HHAT: variants seen among roughly 807,000 people sequenced by gnomAD.
HHAT encodes the protein hedgehog acyltransferase.
A neutral mutation model predicts 70.8 loss-of-function variants in HHAT; 47 were observed. That is an observed-to-expected ratio of 0.66 (90% CI 0.53 to 0.85). The LOEUF (loss-of-function observed/expected upper bound fraction) is 0.85, where lower values mean the gene tolerates loss of function less well. Ranked by LOEUF, HHAT falls within the 40% of genes least tolerant of loss-of-function variation. The pLI is 0.00. For missense variants in HHAT, 609 were observed against 604.8 expected, an observed-to-expected ratio of 1.01 and a Z score of -0.07; for synonymous variants, 228 against 247.6, an observed-to-expected ratio of 0.92 and a Z score of 0.74.
rs2092995670 is a variant in HHAT, at chr1:210,424,399, CA to C, written c.856+6077del. ...ACTTTACTGGATTTGTTTATCAATT[CA>C]AATAGTTTTTTTGGTAGAGTCTTTA... On this transcript the variant is annotated intron_variant, in intron 7 of 11. Transcript: ENST00000261458. Among the ~76,000 whole-genome samples, 3 of 151,216 alleles carry C rather than the reference CA, an allele frequency of 2.0e-5. No homozygotes were observed. The South Asian group carries it at 6.3e-4, about 32-fold the overall frequency.
chr1:210,453,678 CAT>C (rs2093802008), intron 7 of HHAT, among the ~76,000 whole-genome samples: 2 of 152,224 alleles, frequency 1.3e-5, no homozygotes, highest in South Asian at 4.1e-4. Flanking sequence ...ACCAGGTTGA[CAT>C]ATGGAAATCT....
chr1:210,359,872 CAAA>C (rs138163269), intron 2 of HHAT, among the ~76,000 whole-genome samples: 4 of 148,150 alleles, frequency 2.7e-5, no homozygotes, highest in Admixed American at 2.7e-4. Context: ...TGGGAAAAAA[CAAA>C]AAAAAAACCC....
intron 3 of HHAT, among the ~76,000 whole-genome samples, chr1:210,366,025 G>C (rs2088924435): frequency 6.6e-6 from 1 of 151,976 alleles, no homozygotes; most frequent in African/African-American, 2.4e-5. Flanking sequence ...TGAACTCCTA[G>C]GCTCAAACGA....
chr1:210,343,477 AAG>A (rs1221215828), intron 1 of HHAT, among the ~76,000 whole-genome samples: 1 of 152,196 alleles, frequency 6.6e-6, no homozygotes, highest in African/African-American at 2.4e-5. Context: ...AGCTACAGGC[AAG>A]AGTTGAAAAG....
At chr1:210,664,080 C>T (rs1678379577) in intron 11 of HHAT, among the ~76,000 whole-genome samples, 1 of 152,196 alleles carries the variant, frequency 6.6e-6, no homozygotes, top group African/African-American at 2.4e-5. Context: ...TCCATCTCCC[C>T]CACGTTTGGA....
intron 8 of HHAT, among the ~76,000 whole-genome samples, chr1:210,490,374 A>T (rs2094533188): frequency 6.6e-6 from 1 of 152,232 alleles, no homozygotes; most frequent in Admixed American, 6.5e-5. Context: ...AATAATGACC[A>T]CACATGGATA....
At chr1:210,393,541 G>A (rs78604185) in intron 4 of HHAT, among the ~76,000 whole-genome samples, 2,299 of 151,974 alleles carry the variant, frequency 0.015, 71 homozygotes, top group African/African-American at 0.052. Flanking sequence ...CTCACCTGCC[G>A]TTCTGGTCTC....
At chr1:210,360,908 C>T (rs1335621113) in intron 2 of HHAT, among the ~76,000 whole-genome samples, 8 of 105,592 alleles carry the variant, frequency 7.6e-5, no homozygotes, top group South Asian at 2.8e-4. Context: ...AAGTGTGGTT[C>T]GTGTTCTATT....
intron 11 of HHAT, among the ~76,000 whole-genome samples, chr1:210,648,864 A>G (rs1473461411): frequency 6.6e-6 from 1 of 152,246 alleles, no homozygotes; most frequent in Non-Finnish European, 1.5e-5. Flanking sequence ...TTGTATTATG[A>G]GCATTTGAGT....
intron 9 of HHAT, among the ~76,000 whole-genome samples, chr1:210,563,846 A>C (rs180731953): frequency 1.4e-4 from 22 of 152,084 alleles, no homozygotes; most frequent in African/African-American, 5.3e-4. Context: ...TTTGGAAGAT[A>C]TTTCTTGAGC....
chr1:210,587,880 A>T lies in HHAT; in HGVS notation c.1044-18A>T. 6.2e-7 allele frequency: 1 copy of T among 1,607,676 alleles called. No individual in the cohort carries two copies. Among genetic ancestry groups the T allele is most frequent in the Non-Finnish European group, 8.5e-7 (1 of 1,175,352 alleles). On this transcript the variant is annotated intron_variant, in intron 9 of 11. Transcript: ENST00000261458. The stretch of plus-strand genomic sequence containing the variant: ...GGCAGCCCTCTGTATGTCTCCTAAC[A>T]GCCTCTTCTTTCTCTAGGTATGTGT...
chr1:210,498,062 T>A (rs746875858), intron 8 of HHAT, among the ~76,000 whole-genome samples: 3 of 152,156 alleles, frequency 2.0e-5, no homozygotes, highest in Non-Finnish European at 4.4e-5. Context: ...GCCATAATTT[T>A]TTATTTATGT....
At chr1:210,517,092 A>T (rs954291675) in intron 9 of HHAT, among the ~76,000 whole-genome samples, 1 of 152,214 alleles carries the variant, frequency 6.6e-6, no homozygotes, top group Non-Finnish European at 1.5e-5. Context: ...GAAGAAGCCT[A>T]CTGGCTGGAG....
chr1:210,439,743 A>C (rs2093462252), intron 7 of HHAT: 1 of 151,912 alleles, frequency 6.6e-6, no homozygotes, highest in Admixed American at 6.5e-5. Context: ...CTTCATTAAA[A>C]GGGTCTTCAG....
chr1:210,478,619 C>T (rs1349938674), intron 8 of HHAT, among the ~76,000 whole-genome samples: 1 of 152,116 alleles, frequency 6.6e-6, no homozygotes, highest in African/African-American at 2.4e-5. Flanking sequence ...GATTCTCTCC[C>T]ACTCTGTGAA....
intron 9 of HHAT, among the ~76,000 whole-genome samples, chr1:210,562,319 C>T (rs1482552764): frequency 1.4e-5 from 2 of 147,238 alleles, no homozygotes; most frequent in Non-Finnish European, 3.0e-5. Flanking sequence ...ACTTAAACAA[C>T]ACATTAAGGA....
In HHAT at chr1:210,333,050, GA is replaced by G. The variant is rs2085138588; in HGVS notation, c.-44+3947del. ...GTAAATAATGGGCGGGCCATGAGTGGACTAAAATAAGTGTCGGATTCTGACT... is the reference window on the plus strand; with the variant it reads ...GTAAATAATGGGCGGGCCATGAGTGGCTAAAATAAGTGTCGGATTCTGACT... On this transcript the variant is annotated intron_variant, in intron 1 of 11. Transcript: ENST00000261458. 2.6e-5 allele frequency among the ~76,000 whole-genome samples: 4 copies of G among 152,296 alleles called. No individual in the cohort carries two copies. The South Asian group carries it at 8.3e-4, about 32-fold the overall frequency.
intron 10 of HHAT, among the ~76,000 whole-genome samples, chr1:210,597,452 A>C (rs1354125101): frequency 6.6e-6 from 1 of 151,966 alleles, no homozygotes; most frequent in Non-Finnish European, 1.5e-5. Context: ...GGGTCCTAAG[A>C]TGCCATCCAG....
At chr1:210,669,972 G>T (rs1490237304) in intron 11 of HHAT, among the ~76,000 whole-genome samples, 1 of 152,206 alleles carries the variant, frequency 6.6e-6, no homozygotes, top group East Asian at 1.9e-4. Context: ...AGAAGGGAAA[G>T]CCTGGAAGGA....
Sources: gnomAD v4.1 joint callset for allele counts (sites outside exome capture counted in the v4.1 genomes callset) on GRCh38, gnomAD v4.1.1 for gene constraint, MANE v1.5 for transcripts, NCBI Gene and HGNC (gene_info 2026-07-23, HGNC 2026-07-21) for gene names.